Variants in CTXND1 observed in about 807,000 individuals in gnomAD.
CTXND1 encodes the protein cortexin domain containing 1.
At chr15:80,220,177 C>T (rs868196368) in intron 1 of CTXND1, among the ~76,000 whole-genome samples, 20 of 149,844 alleles carry the variant, frequency 1.3e-4, no homozygotes, top group African/African-American at 4.1e-4. Context: ...ATCTATTTAT[C>T]TATCTATCTA....
chr15:80,242,170 G>A (rs1195032026), intron 1 of CTXND1, among the ~76,000 whole-genome samples: 4 of 152,156 alleles, frequency 2.6e-5, no homozygotes, highest in African/African-American at 7.2e-5. Context: ...GACCTGCATC[G>A]TGGTCACTCT....
chr15:80,233,649 G>A (rs1453371456), intron 1 of CTXND1, among the ~76,000 whole-genome samples: 3 of 152,104 alleles, frequency 2.0e-5, no homozygotes, highest in East Asian at 1.9e-4. Context: ...CGCCAGGCTC[G>A]GATTCTGCCC....
At chr15:80,241,085 A>G (rs890718285) in intron 1 of CTXND1, among the ~76,000 whole-genome samples, 1 of 152,176 alleles carries the variant, frequency 6.6e-6, no homozygotes, top group Non-Finnish European at 1.5e-5. Context: ...TCCCTTGTGA[A>G]TGAAGTCTGT....
At chr15:80,218,617 A>G (rs746456590) in intron 1 of CTXND1, among the ~76,000 whole-genome samples, 6 of 151,842 alleles carry the variant, frequency 4.0e-5, no homozygotes, top group East Asian at 1.9e-4. Flanking sequence ...TCTTCTCAAT[A>G]TTATATATAT....
At position 80,226,535 on chromosome 15, in the gene CTXND1, A is replaced by G. The variant is rs75768323; in HGVS notation, c.-217-22795T>C. ...GCCTCATTTAGGAGTCAGTCCACTC[A>G]TGAAGCCCTGTGGCAACGAGAAAGC... On this transcript the variant is annotated intron_variant, in intron 1 of 2. Coordinates refer to ENST00000560778, the MANE Select transcript of CTXND1 (RefSeq NM_001352888.2). Among the ~76,000 whole-genome samples, 4,093 of 152,254 alleles carry G rather than the reference A, an allele frequency of 0.027. 337 individuals are homozygous for G. The East Asian group carries it at 0.28, about 10-fold the overall frequency.
At chr15:80,233,952 C>G (rs1893462054) in intron 1 of CTXND1, among the ~76,000 whole-genome samples, 1 of 152,188 alleles carries the variant, frequency 6.6e-6, no homozygotes, top group African/African-American at 2.4e-5. Context: ...ATGGGGTCAC[C>G]ACCATGGGGT....
At chr15:80,248,813 C>T (rs750359607) in intron 1 of CTXND1, among the ~76,000 whole-genome samples, 9 of 152,190 alleles carry the variant, frequency 5.9e-5, no homozygotes, top group Admixed American at 1.3e-4. Context: ...TGCCTGCTGC[C>T]TCTGGTCAAC....
Position 80,199,777 on chromosome 15 carries a change from G to A in CTXND1, c.*1993C>T, listed in dbSNP as rs1595902104. The A allele has an allele frequency of 6.6e-6, 1 of 152,262 alleles. No homozygotes were observed. Among genetic ancestry groups the A allele is most frequent in the Non-Finnish European group, 1.5e-5 (1 of 68,086 alleles). 9.4% of individuals were successfully genotyped at this position (152,262 alleles called of 1,614,324 possible). On this transcript the variant is annotated 3_prime_UTR_variant, in exon 3 of 3. Transcript: ENST00000560778. ...AGAGCTGTGGCCTTGTCCACATTCA[G>A]GGGTCACCTAGTAGTGATAGTGCTT...
chr15:80,226,914 G>A (rs1200496842), intron 1 of CTXND1, among the ~76,000 whole-genome samples: 1 of 152,156 alleles, frequency 6.6e-6, no homozygotes, highest in African/African-American at 2.4e-5. Context: ...GTGAAGAGAA[G>A]GAAAAGAGTA....
intron 1 of CTXND1, among the ~76,000 whole-genome samples, chr15:80,242,609 C>T (rs557180346): frequency 1.1e-4 from 16 of 152,304 alleles, no homozygotes; most frequent in African/African-American, 3.1e-4. Flanking sequence ...TCTGGTAGAT[C>T]GGGGCAAAGC....
At chr15:80,229,090 A>T (rs1013695044) in intron 1 of CTXND1, among the ~76,000 whole-genome samples, 8 of 152,146 alleles carry the variant, frequency 5.3e-5, no homozygotes, top group Non-Finnish European at 1.2e-4. Context: ...AGGACACTCA[A>T]CCTACATTTT....
chr15:80,219,247 A>G (rs959460896), intron 1 of CTXND1, among the ~76,000 whole-genome samples: 11 of 151,760 alleles, frequency 7.2e-5, no homozygotes, highest in Admixed American at 5.3e-4. Context: ...TGCCCAGCCT[A>G]TTTTCTGTGG....
intron 1 of CTXND1, among the ~76,000 whole-genome samples, chr15:80,245,962 C>A (rs1188936890): frequency 6.6e-6 from 1 of 152,120 alleles, no homozygotes; most frequent in Non-Finnish European, 1.5e-5. Flanking sequence ...ACAACAACAC[C>A]AGAAAAACAC....
In CTXND1 at chr15:80,197,715, G is replaced by C. The variant is rs2041427677; in HGVS notation, c.*4055C>G. On this transcript the variant is annotated 3_prime_UTR_variant, in exon 3 of 3. Coordinates refer to ENST00000560778, the MANE Select transcript of CTXND1 (RefSeq NM_001352888.2). ...GGCTGGGCCACAGGACATTGTGGGT[G>C]GTCATTGATCATGCCTGGCAGAACC... 2 of 152,302 alleles carry C rather than the reference G, an allele frequency of 1.3e-5. No homozygotes were observed. The highest frequency in any genetic ancestry group is 6.5e-5 in the Admixed American group (1 of 15,280). 9.4% of individuals were successfully genotyped at this position (152,302 alleles called of 1,614,324 possible).
intron 1 of CTXND1, among the ~76,000 whole-genome samples, chr15:80,241,373 C>A (rs1893564415): frequency 6.6e-6 from 1 of 152,180 alleles, no homozygotes; most frequent in Non-Finnish European, 1.5e-5. Context: ...GAAATAGGAA[C>A]TTTTCCCCTT....
chr15:80,237,228 G>C (rs929861371), intron 1 of CTXND1, among the ~76,000 whole-genome samples: 1 of 151,718 alleles, frequency 6.6e-6, no homozygotes, highest in African/African-American at 2.4e-5. Flanking sequence ...CCAGCTACTT[G>C]GGAGGCTGAG....
At chr15:80,219,116 AT>A (rs1331940701) in intron 1 of CTXND1, among the ~76,000 whole-genome samples, 2 of 122,864 alleles carry the variant, frequency 1.6e-5, no homozygotes, top group Non-Finnish European at 3.5e-5. Context: ...TTTTTTTTGT[AT>A]TTTTTTTGGT....
chr15:80,230,972 C>A (rs528242213), intron 1 of CTXND1, among the ~76,000 whole-genome samples: 2 of 152,034 alleles, frequency 1.3e-5, no homozygotes, highest in African/African-American at 4.8e-5. Context: ...GAAGGAGAAT[C>A]GCTTGAAGCC....
intron 1 of CTXND1, among the ~76,000 whole-genome samples, chr15:80,220,315 T>C (rs1893301594): frequency 6.6e-6 from 1 of 152,248 alleles, no homozygotes; most frequent in Non-Finnish European, 1.5e-5. Flanking sequence ...CCCTATTTAT[T>C]GACGAATCTG....
Sources: gnomAD v4.1 joint callset for allele counts (sites outside exome capture counted in the v4.1 genomes callset) on GRCh38, gnomAD v4.1.1 for gene constraint, MANE v1.5 for transcripts, NCBI Gene and HGNC (gene_info 2026-07-23, HGNC 2026-07-21) for gene names.